The following ROBO2 variants were observed in gnomAD, a reference collection of about 807,000 sequenced individuals.
ROBO2 encodes the protein roundabout guidance receptor 2, also known as roundabout homolog 2.
Under a neutral mutation model 160.8 loss-of-function variants are expected in ROBO2, and 53 were observed. That is an observed-to-expected ratio of 0.33 (90% CI 0.26 to 0.41). ROBO2 has a LOEUF of 0.41. Among genes scored for constraint, ROBO2 ranks in the 10% least tolerant of loss-of-function variants. The pLI is 1.00. For missense variants in ROBO2, 1,577 were observed against 1,722.4 expected (o/e 0.92, Z 1.49); for synonymous variants, 664 against 611.7 (o/e 1.09, Z -1.26).
intron 2 of ROBO2, among the ~76,000 whole-genome samples, chr3:76,522,088 G>A (rs2081652765): frequency 6.6e-6 from 1 of 152,142 alleles, no homozygotes; most frequent in Admixed American, 6.5e-5. Context: ...AGACAACGCT[G>A]TAAGAATAGC....
chr3:76,384,310 T>C (rs2076777900), intron 2 of ROBO2, among the ~76,000 whole-genome samples: 1 of 152,188 alleles, frequency 6.6e-6, no homozygotes, highest in Non-Finnish European at 1.5e-5. Flanking sequence ...AGTTCTGGCT[T>C]TATAGACAAG....
chr3:76,395,249 G>A (rs1377667639), intron 2 of ROBO2, among the ~76,000 whole-genome samples: 4 of 149,762 alleles, frequency 2.7e-5, no homozygotes, highest in Non-Finnish European at 4.4e-5. Flanking sequence ...CGAAATGAAG[G>A]CAGAAATAAA....
At chr3:76,125,170 C>A (rs899279737) in intron 2 of ROBO2, among the ~76,000 whole-genome samples, 41 of 152,266 alleles carry the variant, frequency 2.7e-4, no homozygotes, top group African/African-American at 9.4e-4. Context: ...CTGCAAAGGA[C>A]ATGATTTCAT....
intron 2 of ROBO2, among the ~76,000 whole-genome samples, chr3:76,983,585 T>C (rs907004031): frequency 6.6e-6 from 1 of 152,178 alleles, no homozygotes; most frequent in East Asian, 1.9e-4. Context: ...TTGGAAGAAA[T>C]ATCTAAAGAA....
At chr3:77,419,663 T>G (rs2077543522) in intron 2 of ROBO2, among the ~76,000 whole-genome samples, 1 of 152,134 alleles carries the variant, frequency 6.6e-6, no homozygotes, top group African/African-American at 2.4e-5. Flanking sequence ...GAGTAAATAT[T>G]AAGGCTATAG....
At chr3:76,179,537 T>G (rs2107085942) in intron 2 of ROBO2, among the ~76,000 whole-genome samples, 1 of 152,292 alleles carries the variant, frequency 6.6e-6, no homozygotes, top group Middle Eastern at 3.4e-3. Flanking sequence ...TTCTGATACT[T>G]CCTTCAATCA....
intron 4 of ROBO2, among the ~76,000 whole-genome samples, chr3:77,489,906 T>C (rs1229285224): frequency 6.6e-6 from 1 of 152,266 alleles, no homozygotes; most frequent in Non-Finnish European, 1.5e-5. Context: ...AATTATCCTA[T>C]GGACTTCTTA....
intron 2 of ROBO2, among the ~76,000 whole-genome samples, chr3:76,312,693 C>T (rs945199076): frequency 2.0e-5 from 3 of 152,104 alleles, no homozygotes; most frequent in Non-Finnish European, 4.4e-5. Context: ...TAGGATTTAG[C>T]GATGTATGGT....
intron 1 of ROBO2, among the ~76,000 whole-genome samples, chr3:77,061,084 G>C (rs1329581649): frequency 6.6e-6 from 1 of 151,932 alleles, no homozygotes; most frequent in African/African-American, 2.4e-5. Flanking sequence ...GACAGGTGCA[G>C]GACATTTCCA....
At chr3:76,202,505 C>T (rs559828770) in intron 2 of ROBO2, among the ~76,000 whole-genome samples, 9 of 152,222 alleles carry the variant, frequency 5.9e-5, no homozygotes, top group Admixed American at 4.6e-4. Context: ...TGTTGCTTGG[C>T]ATGAAAAAAT....
At chr3:77,561,183 G>A (rs549970222) in intron 9 of ROBO2, among the ~76,000 whole-genome samples, 4 of 152,090 alleles carry the variant, frequency 2.6e-5, no homozygotes, top group African/African-American at 9.7e-5. Context: ...AGGCACTAAT[G>A]ATTTACCTGA....
intron 2 of ROBO2, among the ~76,000 whole-genome samples, chr3:76,939,979 ATTTTTTTT>A (rs71104641): frequency 1.7e-5 from 2 of 120,550 alleles, no homozygotes; most frequent in African/African-American, 7.0e-5. Flanking sequence ...AAGCAACAGG[ATTTTTTTT>A]TTTTTTTTTT....
At chr3:77,326,405 T>A (rs1237853620) in intron 2 of ROBO2, among the ~76,000 whole-genome samples, 2 of 152,202 alleles carry the variant, frequency 1.3e-5, no homozygotes, top group Non-Finnish European at 2.9e-5. Context: ...AATCACTTAT[T>A]TTTAAACATA....
At chr3:76,417,462 G>A (rs2075800784) in intron 2 of ROBO2, among the ~76,000 whole-genome samples, 1 of 152,192 alleles carries the variant, frequency 6.6e-6, no homozygotes, top group South Asian at 2.1e-4. Context: ...GCTAGTTACA[G>A]AGTTAAAAGG....
At chr3:77,031,377 A>G (rs1287626092) in intron 2 of ROBO2, among the ~76,000 whole-genome samples, 1 of 150,786 alleles carries the variant, frequency 6.6e-6, no homozygotes, top group Non-Finnish European at 1.5e-5. Flanking sequence ...TTTCATATAA[A>G]AAACTTCCTT....
chr3:76,370,396 A>G (rs1299695684), intron 2 of ROBO2, among the ~76,000 whole-genome samples: 5 of 151,982 alleles, frequency 3.3e-5, no homozygotes, highest in Admixed American at 3.3e-4. Context: ...ATTATCAAGA[A>G]GAAAGAATAA....
At chr3:76,671,611 C>G (rs1409142315) in intron 2 of ROBO2, among the ~76,000 whole-genome samples, 1 of 151,990 alleles carries the variant, frequency 6.6e-6, no homozygotes, top group Non-Finnish European at 1.5e-5. Flanking sequence ...AGCAACACAA[C>G]ATTGAGATAT....
intron 2 of ROBO2, among the ~76,000 whole-genome samples, chr3:77,286,979 C>T (rs1249120344): frequency 1.3e-5 from 2 of 152,184 alleles, no homozygotes; most frequent in Admixed American, 6.5e-5. Flanking sequence ...GAATTCTAAA[C>T]AGATTAGAAA....
chr3:77,540,720 C>T (rs2153643715), intron 6 of ROBO2, among the ~76,000 whole-genome samples: 1 of 152,292 alleles, frequency 6.6e-6, no homozygotes, highest in South Asian at 2.1e-4. Flanking sequence ...TGCACATGCA[C>T]AGGGGAACTT....
Sources: gnomAD v4.1 joint callset for allele counts (sites outside exome capture counted in the v4.1 genomes callset) on GRCh38, gnomAD v4.1.1 for gene constraint, MANE v1.5 for transcripts, NCBI Gene and HGNC (gene_info 2026-07-23, HGNC 2026-07-21) for gene names.